Variants in TMEM229B observed in about 807,000 individuals in gnomAD.
The protein encoded by TMEM229B is chromosome 14 open reading frame 83.
TMEM229B carries 6 observed loss-of-function variants against 13.7 expected under a neutral mutation model. The ratio of observed to expected loss-of-function variants is 0.44; its 90% CI spans 0.24 to 0.86. The LOEUF (loss-of-function observed/expected upper bound fraction) is 0.86. Among genes scored for constraint, TMEM229B ranks in the 40% least tolerant of loss-of-function variants. TMEM229B has a pLI of 0.23. For missense variants in TMEM229B, 170 were observed against 236.0 expected (o/e 0.72, Z 1.83); for synonymous variants, 107 against 102.1 (o/e 1.05, Z -0.29).
intron 1 of TMEM229B, among the ~76,000 whole-genome samples, chr14:67,496,031 G>C (rs376371970): frequency 6.6e-6 from 1 of 152,100 alleles, no homozygotes; most frequent in African/African-American, 2.4e-5. Flanking sequence ...GTTAGATAAC[G>C]CACAGCCAAA....
chr14:67,507,817 C>A (rs553196682), intron 1 of TMEM229B, among the ~76,000 whole-genome samples: 1 of 152,278 alleles, frequency 6.6e-6, no homozygotes, highest in East Asian at 1.9e-4. Context: ...GACACCACCT[C>A]TCAGCTGCCC....
At chr14:67,532,486 A>T (rs577601820) in intron 1 of TMEM229B, among the ~76,000 whole-genome samples, 31 of 152,248 alleles carry the variant, frequency 2.0e-4, no homozygotes, top group Non-Finnish European at 4.4e-4. Context: ...GCTTTGGGCG[A>T]TCTGAGATCT....
intron 1 of TMEM229B, among the ~76,000 whole-genome samples, chr14:67,530,240 T>TATC (rs2033425138): frequency 6.6e-6 from 1 of 152,210 alleles, no homozygotes; most frequent in African/African-American, 2.4e-5. Context: ...GACAACATAC[T>TATC]ATCTCATTTA....
chr14:67,505,096 C>A (rs1566695791), intron 1 of TMEM229B, among the ~76,000 whole-genome samples: 3 of 152,208 alleles, frequency 2.0e-5, no homozygotes, highest in East Asian at 3.9e-4. Flanking sequence ...CACCAAGGTG[C>A]ACCAAGATGC....
At chr14:67,505,886 G>A (rs1305021382) in intron 1 of TMEM229B, among the ~76,000 whole-genome samples, 3 of 152,086 alleles carry the variant, frequency 2.0e-5, no homozygotes, top group East Asian at 1.9e-4. Context: ...TTTTAGTAGC[G>A]ACAGGGTTTC....
At chr14:67,498,979 T>TTTTATTTATTTATTTATTTATTTA (rs10523208) in intron 1 of TMEM229B, among the ~76,000 whole-genome samples, 39 of 146,510 alleles carry the variant, frequency 2.7e-4, no homozygotes, top group South Asian at 4.5e-4. Context: ...AAGGCAATGG[T>TTTTATTTATTTATTTATTTATTTA]TTTATTTATT....
At chr14:67,500,241 C>G (rs989525642) in intron 1 of TMEM229B, among the ~76,000 whole-genome samples, 2 of 151,854 alleles carry the variant, frequency 1.3e-5, no homozygotes, top group African/African-American at 4.8e-5. Context: ...TTTGGGAGGC[C>G]GAGGTGGGTG....
At chr14:67,494,439 C>T (rs562109792) in intron 1 of TMEM229B, among the ~76,000 whole-genome samples, 1 of 152,320 alleles carries the variant, frequency 6.6e-6, no homozygotes, top group Admixed American at 6.5e-5. Flanking sequence ...AGGCAGTGTG[C>T]CTGTGGGTTC....
chr14:67,497,207 C>T (rs1425266204), intron 1 of TMEM229B, among the ~76,000 whole-genome samples: 1 of 152,102 alleles, frequency 6.6e-6, no homozygotes, highest in Non-Finnish European at 1.5e-5. Flanking sequence ...CACGAATGCC[C>T]TGGGTTGTCT....
At chr14:67,491,465 C>T (rs532188789), upstream of TMEM229B, among the ~76,000 whole-genome samples, 1 of 152,316 alleles carries the variant, frequency 6.6e-6, no homozygotes, top group South Asian at 2.1e-4. Flanking sequence ...ACCACTTCCC[C>T]AGTAACTTCA....
intron 2 of TMEM229B, among the ~76,000 whole-genome samples, chr14:67,476,500 T>C (rs1270857769): frequency 3.3e-5 from 5 of 151,654 alleles, no homozygotes; most frequent in African/African-American, 9.7e-5. Flanking sequence ...GGCAGAAAAA[T>C]TGCTTGAACC....
intron 1 of TMEM229B, among the ~76,000 whole-genome samples, chr14:67,528,043 G>A (rs2033394137): frequency 6.6e-6 from 1 of 152,192 alleles, no homozygotes; most frequent in Non-Finnish European, 1.5e-5. Context: ...CATGATGAAT[G>A]TATGAACACA....
intron 2 of TMEM229B, among the ~76,000 whole-genome samples, chr14:67,483,898 G>A (rs12589836): frequency 3.9e-5 from 6 of 152,196 alleles, no homozygotes; most frequent in Non-Finnish European, 8.8e-5. Flanking sequence ...CAAGCAAACC[G>A]CAGCAGGAGG....
At chr14:67,501,412 T>C (rs1196127852) in intron 1 of TMEM229B, among the ~76,000 whole-genome samples, 3 of 152,200 alleles carry the variant, frequency 2.0e-5, no homozygotes, top group Non-Finnish European at 4.4e-5. Context: ...TTGGCCAGGC[T>C]GGAGTGCAGT....
intron 1 of TMEM229B, among the ~76,000 whole-genome samples, chr14:67,529,633 G>A (rs1201145140): frequency 1.3e-5 from 2 of 152,044 alleles, no homozygotes; most frequent in African/African-American, 4.8e-5. Context: ...TTCTCTGCAT[G>A]TCCAATCACT....
chr14:67,519,725 T>C (rs1217483630), upstream of TMEM229B, among the ~76,000 whole-genome samples: 1 of 151,634 alleles, frequency 6.6e-6, no homozygotes, highest in East Asian at 1.9e-4. Context: ...TTTTTTTTTT[T>C]TTTTACTTTT....
chr14:67,531,334 A>AAAAAGT (rs2033442859), intron 1 of TMEM229B, among the ~76,000 whole-genome samples: 1 of 152,252 alleles, frequency 6.6e-6, no homozygotes, highest in South Asian at 2.1e-4. Context: ...TCACATAGCT[A>AAAAAGT]AAAAGTGGAA....
upstream of TMEM229B, among the ~76,000 whole-genome samples, chr14:67,516,784 C>T (rs2033210124): frequency 6.6e-6 from 1 of 152,178 alleles, no homozygotes; most frequent in African/African-American, 2.4e-5. Flanking sequence ...CTGGGCTGGT[C>T]AAGCCATTTT....
At chr14:67,484,694 C>T (rs894624356) in intron 2 of TMEM229B, among the ~76,000 whole-genome samples, 3 of 152,096 alleles carry the variant, frequency 2.0e-5, no homozygotes, top group Non-Finnish European at 2.9e-5. Flanking sequence ...GAGGCTGAGG[C>T]GGGAGGACTG....
Sources: allele counts gnomAD v4.1 joint callset (sites outside exome capture counted in the v4.1 genomes callset), GRCh38; gene constraint gnomAD v4.1.1; transcripts MANE v1.5; gene names NCBI Gene and HGNC (gene_info 2026-07-23, HGNC 2026-07-21).